TRIM67: variants seen among roughly 807,000 people sequenced by gnomAD.
TRIM67 encodes the protein tripartite motif-containing protein 67.
Under a neutral mutation model 71.0 loss-of-function variants are expected in TRIM67, and 39 were observed. That is an observed-to-expected ratio of 0.55 (90% CI 0.43 to 0.72). The LOEUF is 0.72. Ranked by LOEUF, TRIM67 falls within the 30% of genes least tolerant of loss-of-function variation. TRIM67 has a pLI of 0.00. For synonymous variants in TRIM67, 481 were observed against 473.9 expected (o/e 1.01, Z -0.19); for missense variants, 973 against 1,079.2 (o/e 0.90, Z 1.38).
In TRIM67 at chr1:231,215,877, C is replaced by T. The variant is rs891748978; in HGVS notation, c.*437C>T. Reference sequence around the variant, plus strand: ...TCCCACGCCCCGGGTGTTGGCCCTCCGTGGGGACCTTGCCTCCTCAGAGTC... The same window carrying T: ...TCCCACGCCCCGGGTGTTGGCCCTCTGTGGGGACCTTGCCTCCTCAGAGTC... On this transcript the variant is annotated 3_prime_UTR_variant, in exon 10 of 10. Coordinates refer to ENST00000366653, the MANE Select transcript of TRIM67 (RefSeq NM_001004342.5). The T allele has an allele frequency of 7.0e-6, 7 of 997,078 alleles. No individual in the cohort carries two copies. The highest frequency in any genetic ancestry group is 1.7e-5 in the African/African-American group (1 of 57,828). 61.8% of individuals were successfully genotyped at this position (997,078 alleles called of 1,614,324 possible).
intron 8 of TRIM67, among the ~76,000 whole-genome samples, chr1:231,212,639 G>A (rs565396636): frequency 7.5e-4 from 114 of 152,176 alleles, no homozygotes; most frequent in African/African-American, 2.2e-3. Context: ...GGGAGGATCC[G>A]TTGAGCCCAG....
intron 1 of TRIM67, among the ~76,000 whole-genome samples, chr1:231,167,574 G>A (rs1237255259): frequency 6.9e-6 from 1 of 144,870 alleles, no homozygotes; most frequent in African/African-American, 2.7e-5. Context: ...CGCCCGCCTC[G>A]GCCTCCCAAA....
At position 231,215,463 on chromosome 1, in the gene TRIM67, G is replaced by T. The variant is rs2102767690; in HGVS notation, c.*23G>T. The T allele has an allele frequency of 6.3e-7, 1 of 1,578,514 alleles. No homozygotes were observed. The highest frequency in any genetic ancestry group is 1.2e-5 in the South Asian group (1 of 86,752). ...TAGCCCCGCTCCAGCTCGGCACTGT[G>T]CCTGTGACAGTGACATTCACAGGCA... On this transcript the variant is annotated 3_prime_UTR_variant, in exon 10 of 10. Transcript: ENST00000366653.
chr1:231,162,791 A>G lies in TRIM67; in HGVS notation c.-179A>G. 1 of 746,610 alleles carries G rather than the reference A, an allele frequency of 1.3e-6. No homozygotes were observed. Among genetic ancestry groups the G allele is most frequent in the South Asian group, 1.9e-5 (1 of 52,990 alleles). The allele number at this position is 746,610 out of a possible 1,614,324, so 46.2% of individuals were successfully genotyped here. Reference sequence around the variant, plus strand: ...CCTTCTCTCGCCCCTCAATCATCTTAGGGCGGTGGCTACAGGACAGAGAGA... The same window carrying G: ...CCTTCTCTCGCCCCTCAATCATCTTGGGGCGGTGGCTACAGGACAGAGAGA... On this transcript the variant is annotated 5_prime_UTR_variant, in exon 1 of 10. Coordinates refer to ENST00000366653, the MANE Select transcript of TRIM67 (RefSeq NM_001004342.5).
chr1:231,185,159 C>G, intron 1 of TRIM67: 1 of 1,532,894 alleles, frequency 6.5e-7, no homozygotes, highest in Non-Finnish European at 8.7e-7. Flanking sequence ...GTCCAGCCAG[C>G]CAGCCTGTAC....
intron 8 of TRIM67, among the ~76,000 whole-genome samples, chr1:231,210,880 T>C (rs1220909121): frequency 6.7e-6 from 1 of 150,362 alleles, no homozygotes; most frequent in African/African-American, 2.4e-5. Context: ...TCTCTGTAAA[T>C]AATAGTAATT....
intron 1 of TRIM67, among the ~76,000 whole-genome samples, chr1:231,185,714 G>A (rs568152624): frequency 4.6e-5 from 7 of 151,992 alleles, no homozygotes; most frequent in East Asian, 1.9e-4. Context: ...ATGATTGAAC[G>A]GCTCACTCTG....
In TRIM67 at chr1:231,215,842, T is replaced by C. The variant is rs555196996; in HGVS notation, c.*402T>C. 4 of 1,009,664 alleles carry C rather than the reference T, an allele frequency of 4.0e-6. No homozygotes were observed. Among genetic ancestry groups the C allele is most frequent in the Admixed American group, 1.2e-4 (2 of 17,036 alleles). 62.5% of individuals were successfully genotyped at this position (1,009,664 alleles called of 1,614,324 possible). On this transcript the variant is annotated 3_prime_UTR_variant, in exon 10 of 10. Transcript: ENST00000366653. ...CCTCCTGAGAGCGGCAGTCAGGAGCTGCGCTGTAATCCCACGCCCCGGGTG... is the reference window on the plus strand; with the variant it reads ...CCTCCTGAGAGCGGCAGTCAGGAGCCGCGCTGTAATCCCACGCCCCGGGTG...
At chr1:231,195,565 C>T (rs369922939) in intron 1 of TRIM67, among the ~76,000 whole-genome samples, 15 of 152,314 alleles carry the variant, frequency 9.8e-5, no homozygotes, top group African/African-American at 3.4e-4. Flanking sequence ...GCTGCACCTC[C>T]GCTGATCCTT....
chr1:231,193,841 T>TA (rs1344835758), intron 1 of TRIM67, among the ~76,000 whole-genome samples: 1 of 151,978 alleles, frequency 6.6e-6, no homozygotes, highest in Non-Finnish European at 1.5e-5. Context: ...TGGGGACTAA[T>TA]ACAGTGAGAA....
chr1:231,181,317 C>T (rs1033625647), intron 1 of TRIM67, among the ~76,000 whole-genome samples: 30 of 152,202 alleles, frequency 2.0e-4, no homozygotes, highest in African/African-American at 7.0e-4. Context: ...TTTTCCTCTG[C>T]TATGAGTCTA....
intron 1 of TRIM67, among the ~76,000 whole-genome samples, chr1:231,194,784 G>A (rs1156611063): frequency 6.6e-6 from 1 of 152,140 alleles, no homozygotes; most frequent in East Asian, 1.9e-4. Context: ...CTGGACTCAA[G>A]CCATCCTCCT....
In TRIM67 at chr1:231,219,612, A is replaced by G. The variant is rs1169657209; in HGVS notation, c.*4172A>G. 1.8e-6 allele frequency: 2 copies of G among 1,133,934 alleles called. No individual in the cohort carries two copies. Among genetic ancestry groups the G allele is most frequent in the African/African-American group, 3.3e-5 (2 of 60,640 alleles). The allele number at this position is 1,133,934 out of a possible 1,614,324, so 70.2% of individuals were successfully genotyped here. A position where few individuals can be genotyped will look rare whatever the true frequency, so the allele number is the denominator to read the frequency against. On this transcript the variant is annotated 3_prime_UTR_variant, in exon 10 of 10. Coordinates refer to ENST00000366653, the MANE Select transcript of TRIM67 (RefSeq NM_001004342.5). ...CCCCTGCCCGCTCCCCACTTCCTAG[A>G]AAGCAAAACTCGTTACCTTTGTTTT... is the stretch of plus-strand genomic sequence containing the variant.
At chr1:231,198,972 T>C (rs1027785779) in intron 2 of TRIM67, 75 bp from the exon 3 acceptor site, 2 of 1,606,358 alleles carry the variant, frequency 1.2e-6, no homozygotes, top group Non-Finnish European at 8.5e-7. Context: ...TCTTTGTCTA[T>C]AGCACTCACC....
chr1:231,184,926 A>G lies in TRIM67; in HGVS notation c.1045-12445A>G, dbSNP rs574940663. On this transcript the variant is annotated intron_variant, in intron 1 of 9. Transcript: ENST00000366653. ...TCACGTAAAATTAGGGTTTGAATTCAGGGCCCAACCCTGAAGCCCAGCTCT... is the reference window on the plus strand; with the variant it reads ...TCACGTAAAATTAGGGTTTGAATTCGGGGCCCAACCCTGAAGCCCAGCTCT... 3 of 1,208,588 alleles carry G rather than the reference A, an allele frequency of 2.5e-6. 1 individual carries two copies. The highest frequency in any genetic ancestry group is 3.1e-5 in the African/African-American group (2 of 64,666). The allele number at this position is 1,208,588 out of a possible 1,614,324, so 74.9% of individuals were successfully genotyped here. A position where few individuals can be genotyped will look rare whatever the true frequency, so the allele number is the denominator to read the frequency against.
In TRIM67 at chr1:231,219,571, C is replaced by T; in HGVS notation, c.*4131C>T. On this transcript the variant is annotated 3_prime_UTR_variant, in exon 10 of 10. Transcript: ENST00000366653. ...GCCAACCTGTTGGGTCTTGAATTTTCACTCACTGAAGATGCCCCCTGCCCG... is the reference window on the plus strand; with the variant it reads ...GCCAACCTGTTGGGTCTTGAATTTTTACTCACTGAAGATGCCCCCTGCCCG... 1 of 1,100,512 alleles carries T rather than the reference C, an allele frequency of 9.1e-7. No homozygotes were observed. The highest frequency in any genetic ancestry group is 1.1e-6 in the Non-Finnish European group (1 of 897,978). 68.2% of individuals were successfully genotyped at this position (1,100,512 alleles called of 1,614,324 possible).
rs6687255 is a variant in TRIM67 at position 231,172,548 on chromosome 1, G to T, written c.1044+8535G>T. Among the ~76,000 whole-genome samples the T allele has an allele frequency of 2.8e-3, 422 of 152,284 alleles. 1 individual carries two copies. The highest frequency in any genetic ancestry group is 9.5e-3 in the African/African-American group (396 of 41,556). On this transcript the variant is annotated intron_variant, in intron 1 of 9. Coordinates refer to ENST00000366653, the MANE Select transcript of TRIM67 (RefSeq NM_001004342.5). ...CACAAGGACAGGGCAAGGTGAGCTGGGTTCTGGGAACCAGGAGTGTGGATG... is the reference window on the plus strand; with the variant it reads ...CACAAGGACAGGGCAAGGTGAGCTGTGTTCTGGGAACCAGGAGTGTGGATG...
chr1:231,186,957 C>T (rs546763132), intron 1 of TRIM67, among the ~76,000 whole-genome samples: 4 of 152,266 alleles, frequency 2.6e-5, no homozygotes, highest in East Asian at 1.9e-4. Flanking sequence ...GACTGCTTTA[C>T]CCGCACATCC....
chr1:231,190,382 G>A (rs1165404752), intron 1 of TRIM67, among the ~76,000 whole-genome samples: 3 of 152,148 alleles, frequency 2.0e-5, no homozygotes, highest in Admixed American at 1.3e-4. Context: ...ACAAACACAG[G>A]GAGCTGCAGG....
Sources: allele counts gnomAD v4.1 joint callset (sites outside exome capture counted in the v4.1 genomes callset), GRCh38; gene constraint gnomAD v4.1.1; transcripts MANE v1.5; gene names NCBI Gene and HGNC (gene_info 2026-07-23, HGNC 2026-07-21).